Variants in FRMD4A observed in about 807,000 individuals in gnomAD.
FRMD4A encodes the protein FERM domain-containing protein 4A.
A neutral mutation model predicts 129.1 loss-of-function variants in FRMD4A; 29 were observed. The observed-to-expected ratio is 0.22, with a 90% CI of 0.17 to 0.31. The LOEUF is 0.31. FRMD4A is among the 10% of genes least tolerant of loss of function. FRMD4A has a pLI of 1.00. For missense variants in FRMD4A, 1,272 were observed against 1,375.8 expected (o/e 0.92, Z 1.19); for synonymous variants, 634 against 571.6 (o/e 1.11, Z -1.56).
intron 2 of FRMD4A, among the ~76,000 whole-genome samples, chr10:14,256,482 G>A (rs982966546): frequency 3.0e-4 from 46 of 151,918 alleles, no homozygotes; most frequent in African/African-American, 1.1e-3. Context: ...GAAAAGTGAT[G>A]GAAAATTTTT....
chr10:14,042,924 CAAAAAAAAAAAA>C lies in FRMD4A; in HGVS notation c.46-184024_46-184013del, dbSNP rs57492155. Among the ~76,000 whole-genome samples, 12 of 62,848 alleles carry C rather than the reference CAAAAAAAAAAAA, an allele frequency of 1.9e-4. No individual in the cohort carries two copies. The East Asian group carries it at 5.1e-3, about 27-fold the overall frequency. The allele number at this position is 62,848 out of a possible 152,430, so 41.2% of individuals were successfully genotyped here. On this transcript the variant is annotated intron_variant, in intron 2 of 24. Transcript: ENST00000357447. ...TGGGTGATAGAGCAAGACTCCATCT[CAAAAAAAAAAAA>C]AAAAAAAAAAAAAGAAATTCATTTC...
At chr10:14,106,626 C>A (rs574084732) in intron 2 of FRMD4A, among the ~76,000 whole-genome samples, 3 of 152,330 alleles carry the variant, frequency 2.0e-5, no homozygotes, top group Non-Finnish European at 4.4e-5. Context: ...GTCACCAACA[C>A]CATTTCTCAC....
intron 2 of FRMD4A, among the ~76,000 whole-genome samples, chr10:14,024,342 G>A (rs548476280): frequency 6.6e-6 from 1 of 152,354 alleles, no homozygotes; most frequent in East Asian, 1.9e-4. Context: ...AATAGGAAAA[G>A]CCTTTACTTA....
intron 3 of FRMD4A, among the ~76,000 whole-genome samples, chr10:13,819,462 T>C (rs534221773): frequency 3.8e-4 from 58 of 152,282 alleles, no homozygotes; most frequent in African/African-American, 1.3e-3. Context: ...CCTCTGGATT[T>C]CTACAGCACT....
intron 2 of FRMD4A, among the ~76,000 whole-genome samples, chr10:14,212,793 A>G (rs1842968093): frequency 6.6e-6 from 1 of 152,180 alleles, no homozygotes; most frequent in Non-Finnish European, 1.5e-5. Context: ...TTATGAATGC[A>G]TTTTTCATGA....
chr10:14,224,874 G>C (rs1489458154), intron 2 of FRMD4A, among the ~76,000 whole-genome samples: 1 of 152,182 alleles, frequency 6.6e-6, no homozygotes, highest in Non-Finnish European at 1.5e-5. Context: ...TGTAGAGCAG[G>C]TCCAGAGGAA....
intron 24 of FRMD4A, chr10:13,651,664 C>CTCTG: frequency 1.9e-6 from 1 of 516,096 alleles, no homozygotes; most frequent in Non-Finnish European, 3.5e-6. Context: ...CAGAACAAGA[C>CTCTG]TCTGTCTCAA....
At chr10:14,033,202 G>A (rs887985790) in intron 2 of FRMD4A, among the ~76,000 whole-genome samples, 2 of 151,986 alleles carry the variant, frequency 1.3e-5, no homozygotes, top group Non-Finnish European at 2.9e-5. Flanking sequence ...AGCTACTCAG[G>A]AGGCTGAGGC....
chr10:13,834,999 T>A (rs2093850887), intron 3 of FRMD4A, among the ~76,000 whole-genome samples: 1 of 152,194 alleles, frequency 6.6e-6, no homozygotes. Flanking sequence ...CATGATGATA[T>A]CATCTATCTA....
At chr10:13,797,766 A>G (rs1468697505) in intron 4 of FRMD4A, among the ~76,000 whole-genome samples, 1 of 152,240 alleles carries the variant, frequency 6.6e-6, no homozygotes, top group Non-Finnish European at 1.5e-5. Context: ...AAGACTGTGG[A>G]TAATGAGAAA....
Position 14,000,705 on chromosome 10 carries a change from C to T in FRMD4A, c.46-141793G>A, listed in dbSNP as rs913149615. ...TATGTCCCCTTTCTCCTTGAGAACA[C>T]GATTGACTTTGTGTACATATTTGCA... On this transcript the variant is annotated intron_variant, in intron 2 of 24. Coordinates refer to ENST00000357447, the MANE Select transcript of FRMD4A (RefSeq NM_018027.5). Among the ~76,000 whole-genome samples the T allele has an allele frequency of 5.7e-5, 8 of 139,306 alleles. No homozygotes were observed. The East Asian group carries it at 6.3e-4, about 11-fold the overall frequency. 91.4% of individuals were successfully genotyped at this position (139,306 alleles called of 152,430 possible). A position where few individuals can be genotyped will look rare whatever the true frequency, so the allele number is the denominator to read the frequency against.
intron 3 of FRMD4A, among the ~76,000 whole-genome samples, chr10:13,845,100 G>A (rs2094023703): frequency 6.6e-6 from 1 of 152,140 alleles, no homozygotes; most frequent in African/African-American, 2.4e-5. Flanking sequence ...ACATGATACT[G>A]GGACGCAACC....
Position 14,309,767 on chromosome 10 carries a change from C to T in FRMD4A, c.45+20291G>A, listed in dbSNP as rs149931402. The stretch of plus-strand genomic sequence containing the variant: ...TTGCAGTCATTTCCTAACTGATCAG[C>T]CCACGACCATTTCCTCTTCCCAACG... On this transcript the variant is annotated intron_variant, in intron 2 of 24. Transcript: ENST00000357447. Among the ~76,000 whole-genome samples, 21 of 152,240 alleles carry T rather than the reference C, an allele frequency of 1.4e-4. 1 individual carries two copies. The highest frequency in any genetic ancestry group is 5.1e-4 in the African/African-American group (21 of 41,538).
At chr10:14,329,280 G>A (rs1340487090) in intron 2 of FRMD4A, among the ~76,000 whole-genome samples, 4 of 152,240 alleles carry the variant, frequency 2.6e-5, no homozygotes. Context: ...TTACCGTGGT[G>A]TGTGGGAACC....
At chr10:14,277,921 G>C (rs1012596249) in intron 2 of FRMD4A, among the ~76,000 whole-genome samples, 1 of 152,160 alleles carries the variant, frequency 6.6e-6, no homozygotes, top group African/African-American at 2.4e-5. Flanking sequence ...TTGTAAATAT[G>C]CCTGTTGAAA....
At chr10:14,251,689 C>A (rs894009629) in intron 2 of FRMD4A, among the ~76,000 whole-genome samples, 2 of 152,130 alleles carry the variant, frequency 1.3e-5, no homozygotes, top group African/African-American at 4.8e-5. Flanking sequence ...AATAAGAAGT[C>A]TCTTTGAGTG....
intron 2 of FRMD4A, among the ~76,000 whole-genome samples, chr10:14,014,241 G>A (rs2095691022): frequency 6.6e-6 from 1 of 152,132 alleles, no homozygotes; most frequent in Admixed American, 6.5e-5. Context: ...GGAGCAATAG[G>A]ATGAAATTGA....
intron 9 of FRMD4A, among the ~76,000 whole-genome samples, chr10:13,743,263 C>G (rs950734647): frequency 1.3e-5 from 2 of 152,156 alleles, no homozygotes; most frequent in Non-Finnish European, 2.9e-5. Context: ...GCATGCTCCC[C>G]AAGGGCAGGC....
rs3814672 is a variant in FRMD4A, at chr10:13,718,482, C to A, written c.760-11369G>T. 0.011 allele frequency among the ~76,000 whole-genome samples: 1,738 copies of A among 152,288 alleles called. 69 individuals are homozygous for A. The South Asian group carries it at 0.11, about 10-fold the overall frequency. ...TGGGCCACGGTCTCTGCAGCTGGGG[C>A]CTTTCTCTCTACGGATCCTCTTGCG... On this transcript the variant is annotated intron_variant, in intron 12 of 24. Coordinates refer to ENST00000357447, the MANE Select transcript of FRMD4A (RefSeq NM_018027.5).
Sources: allele counts gnomAD v4.1 joint callset (sites outside exome capture counted in the v4.1 genomes callset), GRCh38; gene constraint gnomAD v4.1.1; transcripts MANE v1.5; gene names NCBI Gene and HGNC (gene_info 2026-07-23, HGNC 2026-07-21).